Variants in RASGRF2 observed in about 807,000 individuals in gnomAD.
The protein encoded by RASGRF2 is Ras protein specific guanine nucleotide releasing factor 2, also known as ras-specific guanine nucleotide-releasing factor 2.
In RASGRF2, 76 loss-of-function variants were observed where a neutral mutation model predicts 151.0. That is an observed-to-expected ratio of 0.50 (90% CI 0.42 to 0.61). The LOEUF (loss-of-function observed/expected upper bound fraction) is 0.61. RASGRF2 is among the 20% of genes least tolerant of loss of function. The probability of loss-of-function intolerance (pLI) is 0.00; values close to 1 mark genes in which losing one functional copy is unlikely to be tolerated. For synonymous variants in RASGRF2, 504 were observed against 566.5 expected (o/e 0.89, Z 1.57); for missense variants, 1,148 against 1,564.6 (o/e 0.73, Z 4.49).
At chr5:81,107,139 C>T (rs981212437) in intron 12 of RASGRF2, among the ~76,000 whole-genome samples, 8 of 148,932 alleles carry the variant, frequency 5.4e-5, no homozygotes, top group Non-Finnish European at 7.4e-5. Context: ...ATGGGAGGAT[C>T]GCTTGAGCCC....
At chr5:80,969,554 T>C (rs373195739) in intron 1 of RASGRF2, among the ~76,000 whole-genome samples, 4 of 151,546 alleles carry the variant, frequency 2.6e-5, no homozygotes, top group Admixed American at 2.6e-4. Flanking sequence ...GTTCACACCA[T>C]TCTCCTGCCT....
intron 1 of RASGRF2, among the ~76,000 whole-genome samples, chr5:81,028,358 C>CAAATCATAAATTTTAATTTGCATTTG (rs1750113604): frequency 3.1e-5 from 1 of 32,306 alleles, no homozygotes; most frequent in African/African-American, 1.3e-4. Context: ...ATTTGCATTT[C>CAAATCATAAATTTTAATTTGCATTTG]ACTGAGAAAA....
At chr5:81,200,287 A>AG (rs993697041) in intron 18 of RASGRF2, among the ~76,000 whole-genome samples, 2 of 152,010 alleles carry the variant, frequency 1.3e-5, no homozygotes, top group African/African-American at 4.8e-5. Context: ...AAAAAAAAAA[A>AG]AAGAAGAAGA....
chr5:81,211,307 C>T (rs1009122731), intron 22 of RASGRF2, among the ~76,000 whole-genome samples: 2 of 152,178 alleles, frequency 1.3e-5, no homozygotes, highest in Non-Finnish European at 1.5e-5. Context: ...TATGTATCTG[C>T]GACCCTCCCC....
chr5:81,113,144 C>CT (rs11421444), intron 14 of RASGRF2, among the ~76,000 whole-genome samples: 4,974 of 146,670 alleles, frequency 0.034, 258 homozygotes, highest in African/African-American at 0.11. Flanking sequence ...TTCTTTCTTT[C>CT]TTTTTTTTTT....
intron 16 of RASGRF2, among the ~76,000 whole-genome samples, chr5:81,125,092 G>A (rs897258043): frequency 2.0e-5 from 3 of 152,026 alleles, no homozygotes; most frequent in Non-Finnish European, 4.4e-5. Flanking sequence ...TCACTTTGTC[G>A]GCAAGGCTGG....
Position 81,171,061 on chromosome 5 carries a change from A to C in RASGRF2, c.2687-9114A>C, listed in dbSNP as rs544344233. ...ATATATTAAAAATTGAGGAGAAGAA[A>C]ATGGCCCATTTTCATCCTCCCTTAT... On this transcript the variant is annotated intron_variant, in intron 17 of 26. Transcript: ENST00000265080. Among the ~76,000 whole-genome samples the C allele has an allele frequency of 7.2e-5, 11 of 152,230 alleles. No homozygotes were observed. The South Asian group carries it at 2.3e-3, about 32-fold the overall frequency.
At chr5:81,001,425 A>G (rs1749077267) in intron 1 of RASGRF2, among the ~76,000 whole-genome samples, 1 of 152,062 alleles carries the variant, frequency 6.6e-6, no homozygotes, top group Non-Finnish European at 1.5e-5. Context: ...TCCTCACACA[A>G]TGCTTCTCTG....
chr5:80,988,784 G>T (rs575261107), intron 1 of RASGRF2, among the ~76,000 whole-genome samples: 1 of 152,094 alleles, frequency 6.6e-6, no homozygotes. Context: ...ATAACGTCTG[G>T]CACATAACGA....
chr5:81,213,841 T>A lies in RASGRF2; in HGVS notation c.3354+1278T>A, dbSNP rs184206342. The stretch of plus-strand genomic sequence containing the variant: ...CCTGGTAAATAAAAGCCACAGTTTT[T>A]AAAAATACTGGTTAAAAACAAAAAA... On this transcript the variant is annotated intron_variant, in intron 23 of 26. Transcript: ENST00000265080. 1.5e-3 allele frequency among the ~76,000 whole-genome samples: 222 copies of A among 152,260 alleles called. 1 individual carries two copies. Among genetic ancestry groups the A allele is most frequent in the African/African-American group, 5.0e-3 (209 of 41,552 alleles).
intron 18 of RASGRF2, among the ~76,000 whole-genome samples, chr5:81,190,232 C>A (rs1477773753): frequency 6.6e-6 from 1 of 152,178 alleles, no homozygotes; most frequent in Non-Finnish European, 1.5e-5. Context: ...TTCCTTTTGG[C>A]CCCTTCTGAT....
At chr5:81,218,627 A>G (rs1755795838) in intron 25 of RASGRF2, among the ~76,000 whole-genome samples, 1 of 152,152 alleles carries the variant, frequency 6.6e-6, no homozygotes, top group South Asian at 2.1e-4. Flanking sequence ...GAAATCAGGT[A>G]GTGTGATGTC....
chr5:81,089,358 G>A (rs950467483), intron 9 of RASGRF2, among the ~76,000 whole-genome samples: 2 of 152,150 alleles, frequency 1.3e-5, no homozygotes, highest in African/African-American at 4.8e-5. Flanking sequence ...GTGTGCATGC[G>A]TGCATGTGTG....
chr5:81,005,773 T>C (rs999378513), intron 1 of RASGRF2, among the ~76,000 whole-genome samples: 1 of 152,154 alleles, frequency 6.6e-6, no homozygotes, highest in African/African-American at 2.4e-5. Flanking sequence ...GAGAGACATA[T>C]TTTGCAGTAC....
chr5:81,158,314 G>A (rs6862825), intron 17 of RASGRF2, among the ~76,000 whole-genome samples: 4,211 of 152,220 alleles, frequency 0.028, 194 homozygotes, highest in African/African-American at 0.094. Flanking sequence ...CATGCATAAA[G>A]ATTAATCCTA....
chr5:81,209,849 G>T (rs1043712995), intron 22 of RASGRF2, among the ~76,000 whole-genome samples: 1 of 152,140 alleles, frequency 6.6e-6, no homozygotes, highest in African/African-American at 2.4e-5. Flanking sequence ...CGCCAAGCCT[G>T]CTTCTTCATT....
chr5:81,033,026 A>G (rs1259863308), intron 1 of RASGRF2, among the ~76,000 whole-genome samples: 1 of 152,078 alleles, frequency 6.6e-6, no homozygotes, highest in Non-Finnish European at 1.5e-5. Flanking sequence ...GAGCCAAATC[A>G]TCAGTGAACT....
intron 5 of RASGRF2, among the ~76,000 whole-genome samples, chr5:81,075,133 A>G (rs1751899135): frequency 6.6e-6 from 1 of 152,214 alleles, no homozygotes; most frequent in Non-Finnish European, 1.5e-5. Context: ...TTAGGTAGCT[A>G]TTTCAGTAAT....
intron 2 of RASGRF2, among the ~76,000 whole-genome samples, chr5:81,050,746 G>A (rs1368324238): frequency 6.6e-6 from 1 of 152,120 alleles, no homozygotes; most frequent in Non-Finnish European, 1.5e-5. Flanking sequence ...AGCCCTCACT[G>A]TAACTTCTTA....
Sources: gnomAD v4.1 joint callset for allele counts (sites outside exome capture counted in the v4.1 genomes callset) on GRCh38, gnomAD v4.1.1 for gene constraint, MANE v1.5 for transcripts, NCBI Gene and HGNC (gene_info 2026-07-23, HGNC 2026-07-21) for gene names.